The following IPO5 variants were observed in gnomAD, a reference collection of about 807,000 sequenced individuals.
IPO5 encodes the protein importin 5.
In IPO5, 18 loss-of-function variants were observed where a neutral mutation model predicts 143.3. That is an observed-to-expected ratio of 0.13 (90% CI 0.09 to 0.19). The LOEUF (loss-of-function observed/expected upper bound fraction) is 0.19. Among genes scored for constraint, IPO5 ranks in the 10% least tolerant of loss-of-function variants. IPO5 has a pLI of 1.00. For missense variants in IPO5, 1,013 were observed against 1,336.9 expected (o/e 0.76, Z 3.78); for synonymous variants, 477 against 465.7 (o/e 1.02, Z -0.31).
rs771968351 is a variant in IPO5, at chr13:97,990,534, A to G, written c.666A>G (p.Leu222=). The change falls in exon 9 of 29, where the codon CTA becomes CTG. Residue 222 remains leucine, a synonymous_variant. Coordinates refer to ENST00000651721, the MANE Select transcript of IPO5 (RefSeq NM_002271.6). The stretch of plus-strand genomic sequence containing the variant: ...TTGCAGACTTGCTACCGGGATTCCT[A>G]CAGGTATGAAAGCAATATAGAATAA... The part of the protein sequence containing the change: ...KHFADLLPGF[L]QAVNDSCYQN... 1 of 1,539,780 alleles carries G rather than the reference A, an allele frequency of 6.5e-7. No individual in the cohort carries two copies. The highest frequency in any genetic ancestry group is 1.9e-5 in the Admixed American group (1 of 51,810).
At chr13:98,005,498 G>A (rs1889161136) in intron 16 of IPO5, among the ~76,000 whole-genome samples, 2 of 152,054 alleles carry the variant, frequency 1.3e-5, no homozygotes, top group South Asian at 2.1e-4. Flanking sequence ...AGAGTCCTGG[G>A]ATTACAGAAG....
intron 21 of IPO5, among the ~76,000 whole-genome samples, chr13:98,012,689 T>A (rs187633300): frequency 6.6e-6 from 1 of 152,150 alleles, no homozygotes; most frequent in East Asian, 1.9e-4. Flanking sequence ...AGAGATGGTG[T>A]CTCACTCTGT....
In IPO5 at chr13:98,016,844, A is replaced by C. The variant is rs1267111689; in HGVS notation, c.2609A>C (p.Asn870Thr). Residue 870 changes from asparagine (N) to threonine (T), a missense_variant, in exon 25 of 29, where the codon AAC becomes ACC. Around this residue, in one of 2 missense-constraint regions of IPO5, gnomAD observed 685 missense variants for 994.9 expected, o/e 0.69. Coordinates refer to ENST00000651721, the MANE Select transcript of IPO5 (RefSeq NM_002271.6). ...GAACAGCTGCTTCCATTAATTGTCA[A>C]CCTCATTGTAAGTGTTACCTCTCTT... Reference protein sequence around the residue: ...WFEQLLPLIVNLICPHRPWPD... With the variant: ...WFEQLLPLIVTLICPHRPWPD... 2 of 1,552,614 alleles carry C rather than the reference A, an allele frequency of 1.3e-6. No individual in the cohort carries two copies. Among genetic ancestry groups the C allele is most frequent in the Admixed American group, 2.2e-5 (1 of 46,476 alleles).
At chr13:98,008,546 C>G (rs1792324285) in intron 18 of IPO5, among the ~76,000 whole-genome samples, 1 of 152,168 alleles carries the variant, frequency 6.6e-6, no homozygotes, top group Admixed American at 6.5e-5. Flanking sequence ...GCTGCATGAT[C>G]TCCCTCCCCT....
At chr13:98,014,578 T>G (rs1001883611) in intron 22 of IPO5, among the ~76,000 whole-genome samples, 4 of 152,234 alleles carry the variant, frequency 2.6e-5, no homozygotes, top group African/African-American at 9.6e-5. Context: ...GTGTATGATT[T>G]GTTAAAAAAT....
intron 21 of IPO5, 132 bp from the exon 22 acceptor site, chr13:98,013,910 C>A: frequency 2.9e-6 from 2 of 680,400 alleles, no homozygotes; most frequent in Non-Finnish European, 4.9e-6. Context: ...TTTATACATG[C>A]TTTATATTTA....
intron 2 of IPO5, among the ~76,000 whole-genome samples, chr13:97,962,987 A>T (rs1199163484): frequency 1.3e-5 from 2 of 152,154 alleles, no homozygotes; most frequent in Non-Finnish European, 2.9e-5. Context: ...GCAGGTGGAG[A>T]TTCGGGCAAG....
intron 5 of IPO5, among the ~76,000 whole-genome samples, chr13:97,983,555 C>A (rs1290906226): frequency 7.2e-6 from 1 of 138,358 alleles, no homozygotes; most frequent in African/African-American, 2.6e-5. Context: ...CCCCCACCGT[C>A]CCCCCGATTA....
intron 5 of IPO5, among the ~76,000 whole-genome samples, 155 bp downstream of exon 5, chr13:97,982,738 T>A (rs564739232): frequency 9.9e-5 from 15 of 151,850 alleles, no homozygotes; most frequent in Admixed American, 9.2e-4. Flanking sequence ...TTAGGAGTTA[T>A]AATGTAATTT....
chr13:97,982,745 AT>A (rs151236703), intron 5 of IPO5, among the ~76,000 whole-genome samples, 162 bp downstream of exon 5: 3,857 of 152,274 alleles, frequency 0.025, 150 homozygotes, highest in African/African-American at 0.086. Context: ...TTATAATGTA[AT>A]TTTTTGAAGT....
Position 97,969,771 on chromosome 13 carries a change from A to C in IPO5, c.-64A>C. The C allele has an allele frequency of 6.2e-7, 1 of 1,610,478 alleles. No individual in the cohort carries two copies. Among genetic ancestry groups the C allele is most frequent in the Non-Finnish European group, 8.5e-7 (1 of 1,176,934 alleles). On this transcript the variant is annotated 5_prime_UTR_variant, in exon 3 of 29. An upstream start codon of the reference 5' UTR is lost. Coordinates refer to ENST00000651721, the MANE Select transcript of IPO5 (RefSeq NM_002271.6). Reference sequence around the variant, plus strand: ...AACACTGCTCAGAAAGTACTGCAGCATGTCTTCAAATGCCTGAGGATCAAG... The same window carrying C: ...AACACTGCTCAGAAAGTACTGCAGCCTGTCTTCAAATGCCTGAGGATCAAG...
At chr13:97,965,794 T>C (rs368840822) in intron 2 of IPO5, among the ~76,000 whole-genome samples, 5 of 151,790 alleles carry the variant, frequency 3.3e-5, no homozygotes, top group African/African-American at 1.2e-4. Flanking sequence ...TGTGCTTGTG[T>C]GAATTCCTTA....
intron 13 of IPO5, chr13:98,001,651 T>A (rs1888789194): frequency 6.6e-6 from 1 of 152,236 alleles, no homozygotes; most frequent in Non-Finnish European, 1.5e-5. Flanking sequence ...CTAATTTTTG[T>A]ACTTTTAGTG....
At chr13:98,020,448 A>G (rs913181018) in intron 27 of IPO5, among the ~76,000 whole-genome samples, 13 of 152,238 alleles carry the variant, frequency 8.5e-5, no homozygotes, top group African/African-American at 3.1e-4. Context: ...TGTAACAGCC[A>G]TCCTGCAGAC....
At chr13:97,990,968 A>C (rs1211589545) in intron 9 of IPO5, among the ~76,000 whole-genome samples, 1 of 152,178 alleles carries the variant, frequency 6.6e-6, no homozygotes, top group African/African-American at 2.4e-5. Flanking sequence ...ATTTTTAAGA[A>C]TACTTTCTGC....
chr13:98,010,514 G>A (rs1889608578), intron 20 of IPO5, among the ~76,000 whole-genome samples: 1 of 152,124 alleles, frequency 6.6e-6, no homozygotes, highest in African/African-American at 2.4e-5. Context: ...AGCTACATGA[G>A]GGAAGGATTT....
rs565941744 is a variant in IPO5 at position 97,993,291 on chromosome 13, G to C, written c.913+66G>C. 106 of 1,358,202 alleles carry C rather than the reference G, an allele frequency of 7.8e-5. No individual in the cohort carries two copies. In the African/African-American group the frequency reaches 1.4e-3, roughly 18 times the overall value. 84.1% of individuals were successfully genotyped at this position (1,358,202 alleles called of 1,614,324 possible). ...CAAATTTTTGGATAAATTTGCTGAG[G>C]GTTGTGTGATTTCTCAGATTGTTGA... On this transcript the variant is annotated intron_variant, in intron 11 of 28. Transcript: ENST00000651721.
At chr13:97,964,605 T>A (rs1885157472) in intron 2 of IPO5, among the ~76,000 whole-genome samples, 1 of 150,788 alleles carries the variant, frequency 6.6e-6, no homozygotes, top group Non-Finnish European at 1.5e-5. Flanking sequence ...ACCCAGCTAA[T>A]TTTTTTTTGT....
chr13:97,959,166 T>C (rs1193636667), intron 2 of IPO5, among the ~76,000 whole-genome samples: 1 of 149,616 alleles, frequency 6.7e-6, no homozygotes, highest in African/African-American at 2.5e-5. Context: ...AGCAAGACTG[T>C]GTCTCAAAAA....
Sources: allele counts gnomAD v4.1 joint callset (sites outside exome capture counted in the v4.1 genomes callset), GRCh38; gene constraint gnomAD v4.1.1; regional missense constraint gnomAD v4.1.1; transcripts MANE v1.5; gene names NCBI Gene and HGNC (gene_info 2026-07-23, HGNC 2026-07-21).